Variants in STXBP5L observed in about 807,000 individuals in gnomAD.
The protein encoded by STXBP5L is syntaxin binding protein 5L, also known as syntaxin-binding protein 5-like.
STXBP5L carries 65 observed loss-of-function variants against 144.5 expected under a neutral mutation model. That is an observed-to-expected ratio of 0.45 (90% CI 0.37 to 0.55). The LOEUF is 0.55. Among genes scored for constraint, STXBP5L ranks in the 20% least tolerant of loss-of-function variants. The pLI is 0.00. For synonymous variants in STXBP5L, 505 were observed against 469.6 expected (o/e 1.08, Z -0.97); for missense variants, 1,298 against 1,405.5 (o/e 0.92, Z 1.22).
At chr3:121,350,824 G>T (rs1276406054) in intron 20 of STXBP5L, among the ~76,000 whole-genome samples, 2 of 152,046 alleles carry the variant, frequency 1.3e-5, no homozygotes, top group Non-Finnish European at 2.9e-5. Context: ...GTCCTTTAAG[G>T]ACTTCTCTCC....
In STXBP5L at chr3:121,409,215, G is replaced by C. The variant is rs187518016; in HGVS notation, c.2948+1612G>C. Reference sequence around the variant, plus strand: ...TTGACTGAGCTGAGGATAGAAACTTGGGGGTATTCTACGTTTATGTAGTGA... The same window carrying C: ...TTGACTGAGCTGAGGATAGAAACTTCGGGGTATTCTACGTTTATGTAGTGA... On this transcript the variant is annotated intron_variant, in intron 23 of 26. Transcript: ENST00000471454. 4.0e-3 allele frequency among the ~76,000 whole-genome samples: 602 copies of C among 151,956 alleles called. 7 individuals are homozygous for C. The highest frequency in any genetic ancestry group is 8.4e-3 in the African/African-American group (347 of 41,506).
intron 19 of STXBP5L, among the ~76,000 whole-genome samples, chr3:121,292,876 C>G (rs895372086): frequency 6.6e-6 from 1 of 152,074 alleles, no homozygotes; most frequent in African/African-American, 2.4e-5. Context: ...ACTTTAGGGA[C>G]TCAAGGGAAA....
chr3:121,233,822 C>A, intron 12 of STXBP5L, 134 bp downstream of exon 12: 1 of 663,480 alleles, frequency 1.5e-6, no homozygotes, highest in Non-Finnish European at 2.3e-6. Flanking sequence ...CACTTTGGTT[C>A]AATGGTGAAA....
intron 20 of STXBP5L, among the ~76,000 whole-genome samples, chr3:121,331,920 C>G (rs2044332417): frequency 6.6e-6 from 1 of 152,182 alleles, no homozygotes; most frequent in South Asian, 2.1e-4. Flanking sequence ...ACACCAAGCA[C>G]ATTGCCACCA....
chr3:121,268,852 TTC>T (rs1288489503), intron 18 of STXBP5L, among the ~76,000 whole-genome samples: 4 of 152,204 alleles, frequency 2.6e-5, no homozygotes, highest in African/African-American at 9.7e-5. Flanking sequence ...TTTCTAGCTT[TTC>T]CAAAAGGCTT....
intron 3 of STXBP5L, among the ~76,000 whole-genome samples, chr3:120,958,771 A>C (rs1487363518): frequency 6.6e-6 from 1 of 152,190 alleles, no homozygotes; most frequent in African/African-American, 2.4e-5. Flanking sequence ...AATAAGAGCT[A>C]TCTATGACAA....
At chr3:121,340,014 C>A (rs1480122040) in intron 20 of STXBP5L, among the ~76,000 whole-genome samples, 1 of 151,888 alleles carries the variant, frequency 6.6e-6, no homozygotes, top group Non-Finnish European at 1.5e-5. Context: ...AAATTCCTAT[C>A]AAAATACCAA....
At chr3:121,317,050 T>G (rs147934788) in intron 19 of STXBP5L, among the ~76,000 whole-genome samples, 108 of 152,344 alleles carry the variant, frequency 7.1e-4, no homozygotes, top group African/African-American at 2.5e-3. Context: ...TCCTAATTTG[T>G]ATATCTAGGG....
At chr3:120,988,391 G>T (rs950157584) in intron 3 of STXBP5L, among the ~76,000 whole-genome samples, 1 of 151,528 alleles carries the variant, frequency 6.6e-6, no homozygotes. Flanking sequence ...TAATTAATTT[G>T]CAAGTGTTTG....
chr3:121,332,456 A>C (rs944001726), intron 20 of STXBP5L, among the ~76,000 whole-genome samples: 3 of 151,812 alleles, frequency 2.0e-5, no homozygotes, highest in African/African-American at 7.2e-5. Flanking sequence ...GACACATTTA[A>C]GGAATTATGA....
At chr3:121,060,776 T>C (rs1028420938) in intron 5 of STXBP5L, among the ~76,000 whole-genome samples, 1 of 152,254 alleles carries the variant, frequency 6.6e-6, no homozygotes, top group Non-Finnish European at 1.5e-5. Flanking sequence ...GTTTATAGTA[T>C]TCTCTGATGG....
chr3:121,375,928 C>T (rs867193575), intron 20 of STXBP5L, among the ~76,000 whole-genome samples: 5 of 152,092 alleles, frequency 3.3e-5, no homozygotes, highest in African/African-American at 1.2e-4. Context: ...GATGATGTTT[C>T]AAATATAATT....
At chr3:121,105,325 G>A (rs945810230) in intron 5 of STXBP5L, among the ~76,000 whole-genome samples, 1 of 151,982 alleles carries the variant, frequency 6.6e-6, no homozygotes, top group Non-Finnish European at 1.5e-5. Flanking sequence ...GAACCTGGGA[G>A]GCAGAGGTTG....
chr3:120,961,909 A>G (rs1384637074), intron 3 of STXBP5L, among the ~76,000 whole-genome samples: 1 of 152,102 alleles, frequency 6.6e-6, no homozygotes, highest in Non-Finnish European at 1.5e-5. Flanking sequence ...ATGCATTCCT[A>G]TTTCTCCACA....
intron 22 of STXBP5L, among the ~76,000 whole-genome samples, chr3:121,401,791 G>A (rs1227069264): frequency 6.8e-5 from 9 of 133,242 alleles, no homozygotes; most frequent in Admixed American, 2.3e-4. Context: ...TATACCTAAT[G>A]CTAGATGACA....
intron 5 of STXBP5L, among the ~76,000 whole-genome samples, chr3:121,085,777 C>A (rs1038499312): frequency 1.3e-5 from 2 of 152,010 alleles, no homozygotes; most frequent in Non-Finnish European, 2.9e-5. Context: ...CAATGCTATT[C>A]CCATTAAACT....
At chr3:120,998,050 C>T (rs759868486) in intron 3 of STXBP5L, among the ~76,000 whole-genome samples, 3 of 152,018 alleles carry the variant, frequency 2.0e-5, no homozygotes, top group Non-Finnish European at 2.9e-5. Context: ...TGTTAAAAAC[C>T]CTCAACAAAC....
intron 2 of STXBP5L, chr3:120,925,224 G>C (rs1202042404): frequency 6.6e-6 from 1 of 152,162 alleles, no homozygotes; most frequent in African/African-American, 2.4e-5. Context: ...CACACTTCTG[G>C]AGGAAGGGAT....
At chr3:121,160,258 C>G (rs932656381) in intron 9 of STXBP5L, among the ~76,000 whole-genome samples, 1 of 152,028 alleles carries the variant, frequency 6.6e-6, no homozygotes. Context: ...TAATTCTGCC[C>G]ATTTTTGCTT....
Sources: gnomAD v4.1 joint callset for allele counts (sites outside exome capture counted in the v4.1 genomes callset) on GRCh38, gnomAD v4.1.1 for gene constraint, MANE v1.5 for transcripts, NCBI Gene and HGNC (gene_info 2026-07-23, HGNC 2026-07-21) for gene names.